POU2F1: variants seen among roughly 807,000 people sequenced by gnomAD.
The protein encoded by POU2F1 is POU class 2 homeobox 1.
A neutral mutation model predicts 84.9 loss-of-function variants in POU2F1; 16 were observed. The ratio of observed to expected loss-of-function variants is 0.19; its 90% CI spans 0.13 to 0.29. The LOEUF is 0.29. Among genes scored for constraint, POU2F1 ranks in the 10% least tolerant of loss-of-function variants. POU2F1 has a pLI of 1.00. For missense variants in POU2F1, 738 were observed against 942.6 expected (o/e 0.78, Z 2.84); for synonymous variants, 368 against 368.3 (o/e 1.00, Z 0.01).
At chr1:167,235,791 G>A (rs971479804) in intron 1 of POU2F1, among the ~76,000 whole-genome samples, 1 of 152,170 alleles carries the variant, frequency 6.6e-6, no homozygotes, top group Non-Finnish European at 1.5e-5. Context: ...CTTGGATGGA[G>A]CCAGAAGCCA....
intron 1 of POU2F1, among the ~76,000 whole-genome samples, chr1:167,250,002 TTTA>T (rs1430616857): frequency 6.6e-6 from 1 of 152,242 alleles, no homozygotes; most frequent in Admixed American, 6.5e-5. Context: ...TAATTGACAT[TTTA>T]TTCTTGTTTG....
intron 1 of POU2F1, among the ~76,000 whole-genome samples, chr1:167,308,282 G>T (rs1388911760): frequency 6.6e-6 from 1 of 151,832 alleles, no homozygotes; most frequent in Non-Finnish European, 1.5e-5. Context: ...GGCAATTCTG[G>T]TCTCGAACTC....
chr1:167,231,869 G>A (rs1286088764), intron 1 of POU2F1, among the ~76,000 whole-genome samples: 1 of 152,172 alleles, frequency 6.6e-6, no homozygotes, highest in Non-Finnish European at 1.5e-5. Flanking sequence ...CAAGAACTGG[G>A]AGTGAGAAGT....
Position 167,374,111 on chromosome 1 carries a change from A to G in POU2F1, c.406A>G (p.Thr136Ala). 1 of 1,614,046 alleles carries G rather than the reference A, an allele frequency of 6.2e-7. No homozygotes were observed. The highest frequency in any genetic ancestry group is 8.5e-7 in the Non-Finnish European group (1 of 1,179,986). ...AATGTGTTCTGGTTTTGTTTAGCTT[A>G]CTTTGACGCCTGCCCAGCAACAGTT... is the stretch of plus-strand genomic sequence containing the variant. ...MLAGGQITGL[T>A]LTPAQQQLLL... Residue 136 changes from threonine to alanine, a missense_variant, in exon 6 of 16, where the codon ACT becomes GCT. This residue lies in a region of POU2F1 where 163 missense variants were observed against 214.4 expected (regional missense o/e 0.76). Coordinates refer to ENST00000367866, the MANE Select transcript of POU2F1 (RefSeq NM_002697.4).
intron 1 of POU2F1, among the ~76,000 whole-genome samples, chr1:167,311,593 G>A (rs1364380819): frequency 2.0e-5 from 3 of 151,926 alleles, no homozygotes; most frequent in Non-Finnish European, 4.4e-5. Context: ...CTATTGCTTG[G>A]TGATGTCTTG....
chr1:167,277,509 A>AAG (rs935267157), intron 1 of POU2F1, among the ~76,000 whole-genome samples: 1 of 151,858 alleles, frequency 6.6e-6, no homozygotes, highest in African/African-American at 2.4e-5. Flanking sequence ...AAAAAAAAAA[A>AAG]AAAAAAATTG....
rs554301942 is a variant in POU2F1, at chr1:167,405,232, C to A, written c.1555+3676C>A. On this transcript the variant is annotated intron_variant, in intron 13 of 15. Transcript: ENST00000367866. ...TTTCATAGTGACAAAATTGTTGATTCCTCAGGAAGATATAGCAACTATAAT... is the reference window on the plus strand; with the variant it reads ...TTTCATAGTGACAAAATTGTTGATTACTCAGGAAGATATAGCAACTATAAT... Among the ~76,000 whole-genome samples, 13 of 152,208 alleles carry A rather than the reference C, an allele frequency of 8.5e-5. No individual in the cohort carries two copies. In the South Asian group the frequency reaches 2.7e-3, roughly 32 times the overall value.
intron 2 of POU2F1, among the ~76,000 whole-genome samples, chr1:167,360,464 GT>G (rs753433089): frequency 2.0e-4 from 31 of 152,148 alleles, no homozygotes; most frequent in Non-Finnish European, 2.1e-4. Context: ...GTTCCCCATT[GT>G]TTATTTTTCT....
chr1:167,325,071 G>A (rs1165197860), intron 1 of POU2F1, among the ~76,000 whole-genome samples: 2 of 152,160 alleles, frequency 1.3e-5, no homozygotes. Context: ...TAGTTTGTAT[G>A]TGTGTGATGG....
At chr1:167,405,734 A>G (rs1012065352) in intron 13 of POU2F1, among the ~76,000 whole-genome samples, 12 of 152,196 alleles carry the variant, frequency 7.9e-5, no homozygotes, top group African/African-American at 2.7e-4. Context: ...TTTGAGCACT[A>G]TCAACCAACT....
At chr1:167,237,736 A>ATGTGTGTG (rs201151600) in intron 1 of POU2F1, among the ~76,000 whole-genome samples, 46 of 104,612 alleles carry the variant, frequency 4.4e-4, no homozygotes, top group Non-Finnish European at 7.3e-4. Flanking sequence ...AAATCCATAT[A>ATGTGTGTG]TGTGTGTGTG....
chr1:167,337,683 C>T (rs1393823769), intron 2 of POU2F1, among the ~76,000 whole-genome samples: 1 of 150,160 alleles, frequency 6.7e-6, no homozygotes, highest in South Asian at 2.1e-4. Context: ...ACCCTCACCC[C>T]ACCCCCTGCA....
Position 167,425,499 on chromosome 1 carries a change from T to C in POU2F1, c.*9689T>C, listed in dbSNP as rs186928416. 637 of 152,312 alleles carry C rather than the reference T, an allele frequency of 4.2e-3. 9 individuals carry two copies. Among genetic ancestry groups the C allele is most frequent in the African/African-American group, 0.014 (592 of 41,530 alleles). The allele number at this position is 152,312 out of a possible 1,614,324, so 9.4% of individuals were successfully genotyped here. On this transcript the variant is annotated 3_prime_UTR_variant, in exon 16 of 16. Coordinates refer to ENST00000367866, the MANE Select transcript of POU2F1 (RefSeq NM_002697.4). ...CCCCTAGCTTTGGCCCTCACAAACT[T>C]GTGAGCATGCCCTGAAACAAATTGG...
chr1:167,376,215 A>G, intron 7 of POU2F1, 60 bp downstream of exon 7: 1 of 1,522,960 alleles, frequency 6.6e-7, no homozygotes, highest in South Asian at 1.3e-5. Flanking sequence ...AATGTTACAC[A>G]TGCATGAACT....
chr1:167,229,943 C>G (rs10494474), intron 1 of POU2F1, among the ~76,000 whole-genome samples: 60,408 of 152,152 alleles, frequency 0.4, 14,673 homozygotes, highest in East Asian at 0.7. Context: ...GCATTATTAT[C>G]TTTACTACTT....
intron 2 of POU2F1, among the ~76,000 whole-genome samples, chr1:167,349,247 T>G (rs774792817): frequency 6.6e-6 from 1 of 152,160 alleles, no homozygotes; most frequent in Non-Finnish European, 1.5e-5. Context: ...TCCCTGACCT[T>G]GCCTTCTCCC....
At position 167,395,930 on chromosome 1, in the gene POU2F1, A is replaced by G. The variant is rs114337180; in HGVS notation, c.988-356A>G. ...CCAGATAAATACATTTTTAAAAATT[A>G]CTTAAATCACTTTGGTTGTATCAAT... is the stretch of plus-strand genomic sequence containing the variant. On this transcript the variant is annotated intron_variant, in intron 9 of 15. Transcript: ENST00000367866. Among the ~76,000 whole-genome samples the G allele has an allele frequency of 2.8e-3, 428 of 152,332 alleles. 2 individuals carry two copies. The highest frequency in any genetic ancestry group is 9.9e-3 in the African/African-American group (411 of 41,568).
At chr1:167,355,192 G>A (rs1194127944) in intron 2 of POU2F1, among the ~76,000 whole-genome samples, 1 of 146,106 alleles carries the variant, frequency 6.8e-6, no homozygotes, top group South Asian at 2.2e-4. Flanking sequence ...TTTTAGTATA[G>A]TGTAATGTGT....
At chr1:167,226,452 A>G (rs1648639324) in intron 1 of POU2F1, among the ~76,000 whole-genome samples, 2 of 152,228 alleles carry the variant, frequency 1.3e-5, no homozygotes, top group Admixed American at 1.3e-4. Flanking sequence ...AGAGAATTGA[A>G]TAACTGTAGA....
Sources: gnomAD v4.1 joint callset for allele counts (sites outside exome capture counted in the v4.1 genomes callset) on GRCh38, gnomAD v4.1.1 for gene constraint, gnomAD v4.1.1 regional missense constraint, MANE v1.5 for transcripts, NCBI Gene and HGNC (gene_info 2026-07-23, HGNC 2026-07-21) for gene names.